SGCZ: variants seen among roughly 807,000 people sequenced by gnomAD.
SGCZ encodes zeta-sarcoglycan.
A neutral mutation model predicts 41.3 loss-of-function variants in SGCZ; 40 were observed. That is an observed-to-expected ratio of 0.97 (90% CI 0.75 to 1.26). The LOEUF is 1.26. Among genes scored for constraint, SGCZ ranks in the 50% most tolerant of loss-of-function variants. The probability of loss-of-function intolerance (pLI) is 0.00; values close to 1 mark genes in which losing one functional copy is unlikely to be tolerated. For synonymous variants in SGCZ, 206 were observed against 137.5 expected, an observed-to-expected ratio of 1.50 and a Z score of -3.49; for missense variants, 552 against 369.8, an observed-to-expected ratio of 1.49 and a Z score of -4.04.
chr8:14,434,361 T>A (rs569947996), intron 2 of SGCZ, among the ~76,000 whole-genome samples: 1 of 152,222 alleles, frequency 6.6e-6, no homozygotes, highest in Non-Finnish European at 1.5e-5. Context: ...GCTCTTTGGG[T>A]GACTGTGGCC....
intron 1 of SGCZ, among the ~76,000 whole-genome samples, chr8:14,994,900 C>T (rs975086883): frequency 1.3e-5 from 2 of 152,174 alleles, no homozygotes; most frequent in Non-Finnish European, 2.9e-5. Context: ...AAACTGTCTG[C>T]CAACAAATTC....
At chr8:14,417,968 G>A (rs544128166) in intron 2 of SGCZ, among the ~76,000 whole-genome samples, 218 of 151,724 alleles carry the variant, frequency 1.4e-3, no homozygotes, top group Non-Finnish European at 2.1e-3. Flanking sequence ...ATTATTTGTC[G>A]AAGCGTATCT....
intron 2 of SGCZ, among the ~76,000 whole-genome samples, chr8:14,368,614 T>A (rs1037240017): frequency 6.6e-6 from 1 of 151,976 alleles, no homozygotes; most frequent in African/African-American, 2.4e-5. Context: ...CTTTGCATTA[T>A]AAGGCAGAGA....
intron 4 of SGCZ, among the ~76,000 whole-genome samples, chr8:14,207,291 C>G (rs1406983113): frequency 6.6e-6 from 1 of 152,082 alleles, no homozygotes; most frequent in Non-Finnish European, 1.5e-5. Flanking sequence ...CTGAGAATGT[C>G]TATTAACTGA....
At chr8:15,181,818 G>A (rs268361) in intron 1 of SGCZ, among the ~76,000 whole-genome samples, 72,230 of 151,934 alleles carry the variant, frequency 0.48, 18,572 homozygotes, top group Non-Finnish European at 0.57. Context: ...AATTTATAAG[G>A]TGAAGTGTTA....
Position 14,831,794 on chromosome 8 carries a change from A to ATATATGTGTG in SGCZ, c.40-276869_40-276868insCACACATATA, listed in dbSNP as rs1554508425. Among the ~76,000 whole-genome samples the ATATATGTGTG allele has an allele frequency of 5.4e-3, 812 of 150,934 alleles. 8 individuals are homozygous for ATATATGTGTG. Among genetic ancestry groups the ATATATGTGTG allele is most frequent in the African/African-American group, 0.019 (759 of 40,428 alleles). ...TATACACACACGTATATATGTGTGT[A>ATATATGTGTG]CACATACATGTATATATGTGTGCAC... is the stretch of plus-strand genomic sequence containing the variant. On this transcript the variant is annotated intron_variant, in intron 1 of 7. Transcript: ENST00000382080.
intron 1 of SGCZ, among the ~76,000 whole-genome samples, chr8:14,597,287 T>G (rs1805442485): frequency 6.6e-6 from 1 of 152,134 alleles, no homozygotes; most frequent in Non-Finnish European, 1.5e-5. Context: ...CTATGTGAAG[T>G]CCTATATGGA....
At chr8:14,121,297 T>C (rs1245913874) in intron 5 of SGCZ, among the ~76,000 whole-genome samples, 1 of 152,054 alleles carries the variant, frequency 6.6e-6, no homozygotes, top group Non-Finnish European at 1.5e-5. Flanking sequence ...CATGTCACGC[T>C]GTCATAGCTG....
intron 3 of SGCZ, among the ~76,000 whole-genome samples, chr8:14,262,294 T>G (rs748452990): frequency 1.3e-5 from 2 of 152,218 alleles, no homozygotes; most frequent in African/African-American, 2.4e-5. Context: ...TAAACTGTTC[T>G]TTGCTTCACA....
At chr8:14,802,386 T>C (rs1459771001) in intron 1 of SGCZ, among the ~76,000 whole-genome samples, 1 of 152,240 alleles carries the variant, frequency 6.6e-6, no homozygotes, top group African/African-American at 2.4e-5. Context: ...TGGATAATTC[T>C]AGCATTTTGG....
intron 1 of SGCZ, among the ~76,000 whole-genome samples, chr8:14,806,565 A>C (rs1434567661): frequency 6.6e-6 from 1 of 152,132 alleles, no homozygotes; most frequent in African/African-American, 2.4e-5. Flanking sequence ...CCAATAACAG[A>C]ATCTGAAAAT....
intron 5 of SGCZ, among the ~76,000 whole-genome samples, chr8:14,126,586 A>C (rs1245904037): frequency 1.3e-5 from 2 of 152,202 alleles, no homozygotes; most frequent in Admixed American, 6.5e-5. Context: ...GCATTTCCTC[A>C]AGAATCTAGA....
At chr8:14,263,083 A>G (rs1799730701) in intron 3 of SGCZ, among the ~76,000 whole-genome samples, 4 of 152,204 alleles carry the variant, frequency 2.6e-5, no homozygotes, top group Non-Finnish European at 5.9e-5. Flanking sequence ...TTTCTGCATT[A>G]GTTTTTGTTT....
intron 1 of SGCZ, among the ~76,000 whole-genome samples, chr8:14,981,579 C>G (rs558740442): frequency 6.6e-6 from 1 of 152,074 alleles, no homozygotes; most frequent in Non-Finnish European, 1.5e-5. Flanking sequence ...GAACTATATC[C>G]CTCTATATTC....
chr8:14,480,588 A>G (rs1258683584), intron 2 of SGCZ, among the ~76,000 whole-genome samples: 1 of 121,892 alleles, frequency 8.2e-6, no homozygotes, highest in Non-Finnish European at 1.8e-5. Context: ...GTGTTTAATC[A>G]TTCTCATCAT....
intron 1 of SGCZ, among the ~76,000 whole-genome samples, chr8:15,165,102 C>A (rs7824847): frequency 6.6e-5 from 10 of 152,064 alleles, no homozygotes; most frequent in African/African-American, 2.4e-4. Flanking sequence ...CCAGCCTGAC[C>A]AACATGGTGA....
chr8:14,709,396 T>A (rs1450276650), intron 1 of SGCZ, among the ~76,000 whole-genome samples: 1 of 152,172 alleles, frequency 6.6e-6, no homozygotes, highest in Non-Finnish European at 1.5e-5. Context: ...TTTTGTGTAA[T>A]GTCACAACAA....
chr8:14,129,147 G>C (rs1422524321), intron 5 of SGCZ, among the ~76,000 whole-genome samples: 1 of 151,788 alleles, frequency 6.6e-6, no homozygotes, highest in African/African-American at 2.4e-5. Context: ...AGGAGTTCAA[G>C]ACCACCCTGG....
At chr8:14,788,498 T>C (rs1312681380) in intron 1 of SGCZ, among the ~76,000 whole-genome samples, 5 of 152,196 alleles carry the variant, frequency 3.3e-5, no homozygotes, top group Admixed American at 6.5e-5. Context: ...GTTCCTACCA[T>C]AATTCTTCTG....
Sources: gnomAD v4.1 joint callset for allele counts (sites outside exome capture counted in the v4.1 genomes callset) on GRCh38, gnomAD v4.1.1 for gene constraint, MANE v1.5 for transcripts, NCBI Gene and HGNC (gene_info 2026-07-23, HGNC 2026-07-21) for gene names.